The following ABCB5 variants were observed in gnomAD, a reference collection of about 807,000 sequenced individuals.
ABCB5 encodes the protein ATP-binding cassette sub-family B member 5.
Under a neutral mutation model 144.2 loss-of-function variants are expected in ABCB5, and 155 were observed. The observed-to-expected ratio is 1.08, with a 90% CI of 0.94 to 1.23. ABCB5 has a LOEUF of 1.23. ABCB5 is among the 50% of genes most tolerant of loss of function. The pLI is 0.00. For synonymous variants in ABCB5, 610 were observed against 528.6 expected (o/e 1.15, Z -2.11); for missense variants, 1,830 against 1,520.8 (o/e 1.20, Z -3.38).
intron 1 of ABCB5, among the ~76,000 whole-genome samples, chr7:20,618,921 TG>T: frequency 1.3e-5 from 2 of 151,874 alleles, no homozygotes; most frequent in African/African-American, 4.8e-5. Context: ...ACTACAGGCA[TG>T]TACCACCATG....
At chr7:20,620,241 A>G (rs1395601184) in intron 1 of ABCB5, among the ~76,000 whole-genome samples, 1 of 152,162 alleles carries the variant, frequency 6.6e-6, no homozygotes, top group African/African-American at 2.4e-5. Flanking sequence ...TACACCATAT[A>G]AAAAACCAAC....
chr7:20,650,991 G>T (rs78181077), intron 12 of ABCB5, among the ~76,000 whole-genome samples: 15,429 of 152,216 alleles, frequency 0.1, 938 homozygotes, highest in Non-Finnish European at 0.13. Flanking sequence ...TTATCATGTA[G>T]AGCAATGAAT....
At chr7:20,739,804 A>G (rs1208231543) in intron 24 of ABCB5, among the ~76,000 whole-genome samples, 2 of 152,210 alleles carry the variant, frequency 1.3e-5, no homozygotes, top group African/African-American at 2.4e-5. Context: ...TTTACAAACA[A>G]AGGGGAAAAA....
intron 25 of ABCB5, 25 bp from the exon 26 acceptor site, chr7:20,745,207 C>T: frequency 6.2e-7 from 1 of 1,610,550 alleles, no homozygotes; most frequent in Non-Finnish European, 8.5e-7. Context: ...TCTTAACACA[C>T]CATTCTCCAA....
chr7:20,651,673 G>A (rs538295027), intron 13 of ABCB5, 50 bp downstream of exon 13: 35 of 1,563,984 alleles, frequency 2.2e-5, no homozygotes, highest in African/African-American at 1.1e-4. Context: ...GCAGCGCTGC[G>A]ACATTCCAAT....
Position 20,618,062 on chromosome 7 carries a change from C to T in ABCB5, c.-22+2225C>T, listed in dbSNP as rs557775691. Among the ~76,000 whole-genome samples the T allele has an allele frequency of 7.2e-5, 11 of 152,278 alleles. 1 individual carries two copies. The South Asian group carries it at 2.3e-3, about 32-fold the overall frequency. ...AACAGCTTTATTGAGATATAATTCACATATCATAGAATGTACCCATTTAAG... is the reference window on the plus strand; with the variant it reads ...AACAGCTTTATTGAGATATAATTCATATATCATAGAATGTACCCATTTAAG... On this transcript the variant is annotated intron_variant, in intron 1 of 27. Transcript: ENST00000404938.
intron 20 of ABCB5, among the ~76,000 whole-genome samples, chr7:20,711,470 T>C (rs1214557376): frequency 6.7e-6 from 1 of 148,428 alleles, no homozygotes; most frequent in Non-Finnish European, 1.5e-5. Flanking sequence ...TTCTTTCTTT[T>C]TTTTTTTTTG....
intron 5 of ABCB5, among the ~76,000 whole-genome samples, chr7:20,642,527 T>A (rs574485856): frequency 2.0e-4 from 30 of 151,660 alleles, no homozygotes; most frequent in African/African-American, 7.0e-4. Flanking sequence ...GAAAAACCTA[T>A]TTTTTTTTCT....
At chr7:20,645,695 A>G in intron 7 of ABCB5, 61 bp from the exon 8 acceptor site, 1 of 1,568,530 alleles carries the variant, frequency 6.4e-7, no homozygotes, top group Non-Finnish European at 8.7e-7. Flanking sequence ...CCTGACTTAA[A>G]TGTTCAGAAC....
At chr7:20,704,626 G>A in intron 19 of ABCB5, 98 bp from the exon 20 acceptor site, 2 of 793,876 alleles carry the variant, frequency 2.5e-6, no homozygotes, top group East Asian at 2.7e-5. Context: ...TGTGAGTGAG[G>A]AGGCAGGTAA....
intron 23 of ABCB5, among the ~76,000 whole-genome samples, chr7:20,736,442 T>A (rs1417661799): frequency 6.6e-6 from 1 of 152,160 alleles, no homozygotes; most frequent in Non-Finnish European, 1.5e-5. Flanking sequence ...GGTCTTGAAC[T>A]CCTGACCTCG....
At chr7:20,645,443 A>T (rs907987331) in intron 7 of ABCB5, among the ~76,000 whole-genome samples, 4 of 152,234 alleles carry the variant, frequency 2.6e-5, no homozygotes, top group Non-Finnish European at 4.4e-5. Context: ...TGAAGGCAGT[A>T]TCCCCGCTGT....
chr7:20,725,834 G>A (rs949095932), intron 21 of ABCB5, among the ~76,000 whole-genome samples: 1 of 151,984 alleles, frequency 6.6e-6, no homozygotes, highest in Non-Finnish European at 1.5e-5. Flanking sequence ...TACAAATGGA[G>A]GTTTCTTTAA....
intron 1 of ABCB5, among the ~76,000 whole-genome samples, chr7:20,620,332 C>G (rs74780938): frequency 6.6e-6 from 1 of 151,954 alleles, no homozygotes; most frequent in African/African-American, 2.4e-5. Flanking sequence ...ATTTTTGACA[C>G]TGGATTTGGC....
chr7:20,647,691 A>T, intron 10 of ABCB5, 43 bp downstream of exon 10: 1 of 1,535,440 alleles, frequency 6.5e-7, no homozygotes, highest in Non-Finnish European at 8.7e-7. Context: ...TCATTACTGC[A>T]AGAAGGAGAC....
At chr7:20,682,002 C>T (rs1458833407) in intron 15 of ABCB5, among the ~76,000 whole-genome samples, 1 of 152,020 alleles carries the variant, frequency 6.6e-6, no homozygotes, top group East Asian at 1.9e-4. Flanking sequence ...GTCAGGAGAT[C>T]GAGACCATGC....
At position 20,631,914 on chromosome 7, in the gene ABCB5, G is replaced by C; in HGVS notation, c.260-145G>C. ...ATTTCCAGTTCTAGGTTAAAGAATA[G>C]AAAATGAGATGATAATAAACTGCGT... On this transcript the variant is annotated intron_variant, in intron 4 of 27. Coordinates refer to ENST00000404938, the MANE Select transcript of ABCB5 (RefSeq NM_001163941.2). 6.7e-6 allele frequency: 3 copies of C among 448,414 alleles called. No homozygotes were observed. The South Asian group carries it at 1.9e-4, about 29-fold the overall frequency. The allele number at this position is 448,414 out of a possible 1,614,324, so 27.8% of individuals were successfully genotyped here.
At chr7:20,701,696 A>G (rs1198065553) in intron 19 of ABCB5, among the ~76,000 whole-genome samples, 1 of 152,238 alleles carries the variant, frequency 6.6e-6, no homozygotes, top group East Asian at 1.9e-4. Flanking sequence ...ACTATAAGCC[A>G]TAAACTCTGG....
chr7:20,618,624 C>T lies in ABCB5; in HGVS notation c.-22+2787C>T, dbSNP rs938275780. ...TTTCTCATCTTTATGTCCATGTGGA[C>T]CCAATGTTCAGCTCCCATTTATCAG... is the stretch of plus-strand genomic sequence containing the variant. On this transcript the variant is annotated intron_variant, in intron 1 of 27. Transcript: ENST00000404938. Among the ~76,000 whole-genome samples the T allele has an allele frequency of 5.3e-5, 8 of 152,048 alleles. 1 individual carries two copies. The highest frequency in any genetic ancestry group is 1.7e-4 in the African/African-American group (7 of 41,404).
Sources: gnomAD v4.1 joint callset for allele counts (sites outside exome capture counted in the v4.1 genomes callset) on GRCh38, gnomAD v4.1.1 for gene constraint, MANE v1.5 for transcripts, NCBI Gene and HGNC (gene_info 2026-07-23, HGNC 2026-07-21) for gene names.